The following CNTNAP2 variants were observed in gnomAD, a reference collection of about 807,000 sequenced individuals.
The protein encoded by CNTNAP2 is contactin-associated protein-like 2.
In CNTNAP2, 98 loss-of-function variants were observed where a neutral mutation model predicts 155.2. That is an observed-to-expected ratio of 0.63 (90% CI 0.54 to 0.75). The LOEUF (loss-of-function observed/expected upper bound fraction) is 0.75, where lower values mean the gene tolerates loss of function less well. CNTNAP2 is among the 30% of genes least tolerant of loss of function. The probability of loss-of-function intolerance (pLI) is 0.00; values close to 1 mark genes in which losing one functional copy is unlikely to be tolerated. For synonymous variants in CNTNAP2, 651 were observed against 631.2 expected, an observed-to-expected ratio of 1.03 and a Z score of -0.47; for missense variants, 1,727 against 1,688.1, an observed-to-expected ratio of 1.02 and a Z score of -0.40.
At chr7:148,345,013 A>G (rs998300998) in intron 21 of CNTNAP2, among the ~76,000 whole-genome samples, 1 of 152,188 alleles carries the variant, frequency 6.6e-6, no homozygotes, top group Non-Finnish European at 1.5e-5. Context: ...ATGGCTGGAA[A>G]TTCTTCGAAT....
rs184534377 is a variant in CNTNAP2, at chr7:146,827,205, C to T, written c.209-12506C>T. ...TGAGTGCCTATTATGTCCAGAGAACCATGCTAGGCAGTGGTTATTAAATAA... is the reference window on the plus strand; with the variant it reads ...TGAGTGCCTATTATGTCCAGAGAACTATGCTAGGCAGTGGTTATTAAATAA... On this transcript the variant is annotated intron_variant, in intron 2 of 23. Transcript: ENST00000361727. Among the ~76,000 whole-genome samples, 5 of 151,922 alleles carry T rather than the reference C, an allele frequency of 3.3e-5. No homozygotes were observed. In the East Asian group the frequency reaches 9.7e-4, roughly 29 times the overall value.
chr7:148,412,519 T>C lies in CNTNAP2; in HGVS notation c.3797-2898T>C, dbSNP rs559572037. ...TTTCTAAGTGTCTCTCTCTGGCATA[T>C]AAAAGTATAATTGATCTTTTATATC... On this transcript the variant is annotated intron_variant, in intron 23 of 23. Transcript: ENST00000361727. Among the ~76,000 whole-genome samples, 4 of 152,382 alleles carry C rather than the reference T, an allele frequency of 2.6e-5. No individual in the cohort carries two copies. In the East Asian group the frequency reaches 5.8e-4, roughly 22 times the overall value.
At chr7:148,289,461 G>A (rs1297491726) in intron 21 of CNTNAP2, among the ~76,000 whole-genome samples, 1 of 152,156 alleles carries the variant, frequency 6.6e-6, no homozygotes, top group Non-Finnish European at 1.5e-5. Flanking sequence ...AGAGAGATTT[G>A]AGGCAGCCCT....
intron 13 of CNTNAP2, among the ~76,000 whole-genome samples, chr7:147,770,300 A>T (rs575443723): frequency 7.9e-4 from 121 of 152,310 alleles, no homozygotes; most frequent in African/African-American, 2.9e-3. Context: ...TTCCTTGCCT[A>T]AAAGTTCTAT....
intron 3 of CNTNAP2, among the ~76,000 whole-genome samples, chr7:146,912,319 T>G (rs1350907176): frequency 6.6e-6 from 1 of 150,938 alleles, no homozygotes; most frequent in African/African-American, 2.4e-5. Context: ...TCACACCTAT[T>G]AAGTTGAGCA....
At chr7:146,421,027 G>GA (rs998834138) in intron 1 of CNTNAP2, among the ~76,000 whole-genome samples, 5 of 151,938 alleles carry the variant, frequency 3.3e-5, no homozygotes, top group Non-Finnish European at 7.4e-5. Context: ...GATTTATTAG[G>GA]AAAAATGAAC....
chr7:147,939,528 C>T (rs1018254134), intron 14 of CNTNAP2, among the ~76,000 whole-genome samples: 5 of 152,026 alleles, frequency 3.3e-5, no homozygotes, highest in Admixed American at 2.6e-4. Context: ...GGGGTTTCAC[C>T]ATGTTGGCCA....
chr7:146,581,865 T>A (rs1182108948), intron 1 of CNTNAP2, among the ~76,000 whole-genome samples: 1 of 152,098 alleles, frequency 6.6e-6, no homozygotes, highest in Non-Finnish European at 1.5e-5. Context: ...AGAAATTTTG[T>A]CAATGCTTTT....
In CNTNAP2 at chr7:146,116,822, T is replaced by A; in HGVS notation, c.-55T>A. On this transcript the variant is annotated 5_prime_UTR_variant, in exon 1 of 24. Transcript: ENST00000361727. This position sits in a 1 kb window ranked among gnomAD's most constrained non-coding sequence, Gnocchi z 5.5. ...CTCCCTTCAAGAACCCTACGGAGAGTCGGACTGCATCTCCGCAGCGAGCTC... is the reference window on the plus strand; with the variant it reads ...CTCCCTTCAAGAACCCTACGGAGAGACGGACTGCATCTCCGCAGCGAGCTC... The A allele has an allele frequency of 2.2e-6, 3 of 1,391,844 alleles. No individual in the cohort carries two copies. The African/African-American group carries it at 4.3e-5, about 20-fold the overall frequency. 86.2% of individuals were successfully genotyped at this position (1,391,844 alleles called of 1,614,324 possible).
intron 20 of CNTNAP2, among the ~76,000 whole-genome samples, chr7:148,242,454 G>T (rs1303927877): frequency 1.3e-5 from 2 of 152,144 alleles, no homozygotes; most frequent in African/African-American, 2.4e-5. Flanking sequence ...GTGTTAAAAT[G>T]CCCTCTAGTG....
intron 14 of CNTNAP2, among the ~76,000 whole-genome samples, chr7:147,963,849 C>T (rs1414799997): frequency 1.3e-5 from 2 of 152,076 alleles, no homozygotes; most frequent in Admixed American, 1.3e-4. Flanking sequence ...ACCCAGATCC[C>T]TTGCTTGGAA....
chr7:147,233,985 G>A (rs77055549), intron 8 of CNTNAP2, among the ~76,000 whole-genome samples: 1 of 149,170 alleles, frequency 6.7e-6, no homozygotes, highest in Non-Finnish European at 1.5e-5. Context: ...TTTCCCAGGG[G>A]TTGCTTTGTG....
chr7:147,979,710 C>T (rs1342407128), intron 15 of CNTNAP2, among the ~76,000 whole-genome samples: 2 of 152,172 alleles, frequency 1.3e-5, no homozygotes, highest in South Asian at 2.1e-4. Context: ...GCAACCTCCG[C>T]CTCCCAGGTT....
chr7:146,132,799 A>C (rs1797736352), intron 1 of CNTNAP2, among the ~76,000 whole-genome samples: 1 of 149,340 alleles, frequency 6.7e-6, no homozygotes, highest in Admixed American at 6.7e-5. Context: ...CATTTTCTTA[A>C]TCCAGTCTAT....
chr7:148,110,470 C>T (rs973813225), intron 15 of CNTNAP2, among the ~76,000 whole-genome samples: 1 of 152,014 alleles, frequency 6.6e-6, no homozygotes, highest in African/African-American at 2.4e-5. Context: ...ACCACCCGCG[C>T]CAATGCTTCT....
At chr7:146,421,117 G>C (rs1380002572) in intron 1 of CNTNAP2, among the ~76,000 whole-genome samples, 1 of 151,948 alleles carries the variant, frequency 6.6e-6, no homozygotes, top group Non-Finnish European at 1.5e-5. Flanking sequence ...CTAAAAATTT[G>C]TGAGTTTATA....
chr7:146,785,683 A>G (rs1802563883), intron 2 of CNTNAP2, among the ~76,000 whole-genome samples: 3 of 152,204 alleles, frequency 2.0e-5, no homozygotes, highest in Admixed American at 6.5e-5. Context: ...AACCAACGCA[A>G]TTATCATCAT....
At chr7:146,916,184 G>T (rs1233905372) in intron 3 of CNTNAP2, among the ~76,000 whole-genome samples, 1 of 152,044 alleles carries the variant, frequency 6.6e-6, no homozygotes, top group East Asian at 1.9e-4. Flanking sequence ...GATCATGATG[G>T]ATTATCTTTT....
At chr7:146,381,024 T>G (rs1795378772) in intron 1 of CNTNAP2, among the ~76,000 whole-genome samples, 1 of 151,724 alleles carries the variant, frequency 6.6e-6, no homozygotes, top group African/African-American at 2.4e-5. Context: ...GGTCTCGATC[T>G]CCTGACCTCG....
Sources: gnomAD v4.1 joint callset for allele counts (sites outside exome capture counted in the v4.1 genomes callset) on GRCh38, gnomAD v4.1.1 for gene constraint, Gnocchi (gnomAD v3.1) non-coding constraint, MANE v1.5 for transcripts, NCBI Gene and HGNC (gene_info 2026-07-23, HGNC 2026-07-21) for gene names.